The following ZNF134 variants were observed in gnomAD, a reference collection of about 807,000 sequenced individuals.
ZNF134 encodes zinc finger protein 134 (clone pHZ-15).
Under a neutral mutation model 2.5 loss-of-function variants are expected in ZNF134, and 5 were observed. The ratio of observed to expected loss-of-function variants is 2.03; its 90% CI spans 1.06 to 4.27. The LOEUF is 4.27. Among genes scored for constraint, ZNF134 ranks in the 30% most tolerant of loss-of-function variants. The probability of loss-of-function intolerance (pLI) is 0.00; values close to 1 mark genes in which losing one functional copy is unlikely to be tolerated. For synonymous variants in ZNF134, 176 were observed against 176.2 expected (o/e 1.00, Z 0.01); for missense variants, 540 against 517.5 (o/e 1.04, Z -0.42).
Position 57,619,392 on chromosome 19 carries a change from C to A in ZNF134, c.-57-20C>A. On this transcript the variant is annotated intron_variant, in intron 1 of 2. Transcript: ENST00000396161. ...GCTCTCAGCCTGTTTCACCTTTCCC[C>A]TATGCTTTGTATCTTCCAGATCCTC... 1 of 1,545,644 alleles carries A rather than the reference C, an allele frequency of 6.5e-7. No homozygotes were observed. The highest frequency in any genetic ancestry group is 8.8e-7 in the Non-Finnish European group (1 of 1,138,928).
chr19:57,615,126 G>A (rs1981015295), intron 1 of ZNF134, among the ~76,000 whole-genome samples: 2 of 152,108 alleles, frequency 1.3e-5, no homozygotes, highest in Admixed American at 1.3e-4. Flanking sequence ...TGAAAGAATG[G>A]AAATTGGTAA....
rs1256251068 is a variant in ZNF134, at chr19:57,619,484, G to A, written c.16G>A (p.Ala6Thr). The A allele has an allele frequency of 1.2e-6, 2 of 1,606,210 alleles. No homozygotes were observed. Among genetic ancestry groups the A allele is most frequent in the East Asian group, 2.2e-5 (1 of 44,684 alleles). ...CTGAGAGGGCATGACTCTAGTCACAGCAGGAGGGGCTTGGACAGGCCCTGG... is the reference window on the plus strand; with the variant it reads ...CTGAGAGGGCATGACTCTAGTCACAACAGGAGGGGCTTGGACAGGCCCTGG... MTLVTAGGAWTGPGCW... is the reference protein window; with the variant it reads MTLVTTGGAWTGPGCW... The change falls in exon 2 of 3, where the codon GCA becomes ACA. Residue 6 changes from alanine to threonine, a missense_variant. Coordinates refer to ENST00000396161, the MANE Select transcript of ZNF134 (RefSeq NM_003435.5).
chr19:57,614,602 A>G, intron 1 of ZNF134, 99 bp downstream of exon 1: 1 of 327,102 alleles, frequency 3.1e-6, no homozygotes, highest in South Asian at 2.2e-5. Flanking sequence ...CCCAGTGTCC[A>G]AGGCAGCGGG....
In ZNF134 at chr19:57,620,749, G is replaced by A. The variant is rs61762978; in HGVS notation, c.630G>A (p.Gly210=). The change falls in exon 3 of 3, where the codon GGG becomes GGA. Residue 210 remains glycine (G), a synonymous_variant. Transcript: ENST00000396161. ...AGCCTTATGAGTGCAGCGAATGTGG[G>A]AAAGCCTTCAGCCGCAAAGCTACAC... ...GEKPYECSEC[G]KAFSRKATLV... 67 of 1,612,014 alleles carry A rather than the reference G, an allele frequency of 4.2e-5. No homozygotes were observed. The highest frequency in any genetic ancestry group is 5.4e-5 in the Non-Finnish European group (64 of 1,178,202).
chr19:57,617,250 A>G (rs926994045), intron 1 of ZNF134, among the ~76,000 whole-genome samples: 1 of 152,186 alleles, frequency 6.6e-6, no homozygotes, highest in African/African-American at 2.4e-5. Context: ...CTTCCTCTGT[A>G]CAGTGAAAAA....
At chr19:57,617,324 T>C (rs1449604089) in intron 1 of ZNF134, among the ~76,000 whole-genome samples, 1 of 152,202 alleles carries the variant, frequency 6.6e-6, no homozygotes, top group East Asian at 1.9e-4. Flanking sequence ...CAGTTCAGGT[T>C]GGACCAGAGT....
Position 57,622,958 on chromosome 19 carries a change from TACACACACACACACACACACAC to T in ZNF134, c.*1572_*1593del, listed in dbSNP as rs3054108. ...TTAAAGTGTACGAGTTAAGTCTTGATACACACACACACACACACACACACACACACACACACACTTGAAACTA... is the reference window on the plus strand; with the variant it reads ...TTAAAGTGTACGAGTTAAGTCTTGATACACACACACACACACTTGAAACTA... On this transcript the variant is annotated 3_prime_UTR_variant, in exon 3 of 3. Transcript: ENST00000396161. The T allele has an allele frequency of 1.4e-5, 2 of 147,296 alleles. No individual in the cohort carries two copies. The highest frequency in any genetic ancestry group is 6.8e-5 in the Admixed American group (1 of 14,744). The allele number at this position is 147,296 out of a possible 1,614,324, so 9.1% of individuals were successfully genotyped here.
intron 2 of ZNF134, 111 bp downstream of exon 2, chr19:57,619,619 A>G: frequency 1.7e-6 from 2 of 1,200,778 alleles, no homozygotes; most frequent in Non-Finnish European, 2.3e-6. Context: ...ACTTATTTCT[A>G]CCTTTTTATC....
Position 57,621,746 on chromosome 19 carries a change from A to C in ZNF134, c.*343A>C, listed in dbSNP as rs568674568. ...TATGGATATGACCCATTTTTAGCCAAGAGGGTCTGAGCTGTATCTGCTGGT... is the reference window on the plus strand; with the variant it reads ...TATGGATATGACCCATTTTTAGCCACGAGGGTCTGAGCTGTATCTGCTGGT... On this transcript the variant is annotated 3_prime_UTR_variant, in exon 3 of 3. Transcript: ENST00000396161. 5.3e-4 allele frequency: 212 copies of C among 401,864 alleles called. No individual in the cohort carries two copies. The highest frequency in any genetic ancestry group is 3.9e-3 in the African/African-American group (193 of 48,872). The allele number at this position is 401,864 out of a possible 1,614,324, so 24.9% of individuals were successfully genotyped here.
rs1981292089 is a variant in ZNF134, at chr19:57,623,545, T to TG, written c.*2144dup. ...TGGGAAATTCTCAGCCCATCTTAAT[T>TG]GGAAAAAAAAAACAAACCATTGAAA... On this transcript the variant is annotated 3_prime_UTR_variant, in exon 3 of 3. Transcript: ENST00000396161. 1 of 151,574 alleles carries TG rather than the reference T, an allele frequency of 6.6e-6. No homozygotes were observed. The highest frequency in any genetic ancestry group is 2.4e-5 in the African/African-American group (1 of 41,258). The allele number at this position is 151,574 out of a possible 1,614,324, so 9.4% of individuals were successfully genotyped here. A position where few individuals can be genotyped will look rare whatever the true frequency, so the allele number is the denominator to read the frequency against.
intron 1 of ZNF134, among the ~76,000 whole-genome samples, chr19:57,614,746 C>G (rs558750329): frequency 6.6e-6 from 1 of 152,126 alleles, no homozygotes; most frequent in Admixed American, 6.5e-5. Context: ...GGAGAAGTTG[C>G]TCCTTCATTG....
chr19:57,620,735 T>G lies in ZNF134; in HGVS notation c.616T>G (p.Cys206Gly). 2 of 1,611,000 alleles carry G rather than the reference T, an allele frequency of 1.2e-6. No individual in the cohort carries two copies. The highest frequency in any genetic ancestry group is 1.7e-6 in the Non-Finnish European group (2 of 1,177,336). Reference sequence around the variant, plus strand: ...TCATAGTGGAGAGAAGCCTTATGAGTGCAGCGAATGTGGGAAAGCCTTCAG... The same window carrying G: ...TCATAGTGGAGAGAAGCCTTATGAGGGCAGCGAATGTGGGAAAGCCTTCAG... ...RIHSGEKPYE[C>G]SECGKAFSRK... is the part of the protein sequence containing the mutation. The change falls in exon 3 of 3, where the codon TGC (cysteine) becomes GGC (glycine). Residue 206 changes from cysteine to glycine, a missense_variant. Transcript: ENST00000396161.
chr19:57,616,513 C>G (rs1391748694), intron 1 of ZNF134, among the ~76,000 whole-genome samples: 2 of 152,216 alleles, frequency 1.3e-5, no homozygotes, highest in Non-Finnish European at 2.9e-5. Context: ...CTGATACAAA[C>G]AGTAGCCCTA....
rs992713243 is a variant in ZNF134, at chr19:57,623,692, G to T, written c.*2289G>T. ...ACATCAGAACACTGTCACACAAAAAGCTCTTTGAAGAGATTAAATGTGACT... is the reference window on the plus strand; with the variant it reads ...ACATCAGAACACTGTCACACAAAAATCTCTTTGAAGAGATTAAATGTGACT... On this transcript the variant is annotated 3_prime_UTR_variant, in exon 3 of 3. Coordinates refer to ENST00000396161, the MANE Select transcript of ZNF134 (RefSeq NM_003435.5). 1.3e-5 allele frequency: 2 copies of T among 152,192 alleles called. No individual in the cohort carries two copies. Among genetic ancestry groups the T allele is most frequent in the Non-Finnish European group, 2.9e-5 (2 of 68,036 alleles). The allele number at this position is 152,192 out of a possible 1,614,324, so 9.4% of individuals were successfully genotyped here.
At chr19:57,619,641 C>G (rs1038730537) in intron 2 of ZNF134, 133 bp downstream of exon 2, 9 of 1,005,220 alleles carry the variant, frequency 9.0e-6, no homozygotes, top group Non-Finnish European at 1.3e-5. Context: ...CCATTCTGTA[C>G]ACTCTTGTCA....
At chr19:57,620,067 C>G (rs762575643) in intron 2 of ZNF134, 93 bp from the exon 3 acceptor site, 3 of 1,441,852 alleles carry the variant, frequency 2.1e-6, no homozygotes, top group Non-Finnish European at 2.8e-6. Flanking sequence ...AACTTAGGTA[C>G]TCAGTCCTGG....
chr19:57,620,356 A>G lies in ZNF134; in HGVS notation c.237A>G (p.Thr79=), dbSNP rs1448427867. ...CACACCATGGACTGAAACTTCACAC[A>G]TGTGGGGCATGTGGGAGACAATTCT... is the stretch of plus-strand genomic sequence containing the variant. The part of the protein sequence containing the change: ...QGTHHGLKLH[T]CGACGRQFWF... The change falls in exon 3 of 3, where the codon ACA becomes ACG. Residue 79 remains threonine, a synonymous_variant. Transcript: ENST00000396161. 1 of 1,613,822 alleles carries G rather than the reference A, an allele frequency of 6.2e-7. No homozygotes were observed. Among genetic ancestry groups the G allele is most frequent in the Admixed American group, 1.7e-5 (1 of 60,036 alleles).
intron 1 of ZNF134, among the ~76,000 whole-genome samples, chr19:57,615,881 A>AG (rs1472500431): frequency 1.3e-5 from 2 of 152,222 alleles, no homozygotes; most frequent in Non-Finnish European, 2.9e-5. Context: ...TATAGTAACT[A>AG]GGGGCAAGGA....
intron 1 of ZNF134, among the ~76,000 whole-genome samples, chr19:57,617,279 T>G (rs895631098): frequency 6.6e-6 from 1 of 152,102 alleles, no homozygotes; most frequent in Non-Finnish European, 1.5e-5. Flanking sequence ...GGAGTGAGGA[T>G]GAAGGAAGGA....
Sources: allele counts gnomAD v4.1 joint callset (sites outside exome capture counted in the v4.1 genomes callset), GRCh38; gene constraint gnomAD v4.1.1; transcripts MANE v1.5; gene names NCBI Gene and HGNC (gene_info 2026-07-23, HGNC 2026-07-21).